The following KNDC1 variants were observed in gnomAD, a reference collection of about 807,000 sequenced individuals.
The protein encoded by KNDC1 is kinase non-catalytic C-lobe domain-containing protein 1.
A neutral mutation model predicts 172.8 loss-of-function variants in KNDC1; 106 were observed. That is an observed-to-expected ratio of 0.61 (90% CI 0.52 to 0.72). The LOEUF is 0.72. KNDC1 is among the 30% of genes least tolerant of loss of function. The pLI, the probability that KNDC1 is intolerant of heterozygous loss-of-function variation, is 0.00. For missense variants in KNDC1, 2,325 were observed against 2,394.5 expected, an observed-to-expected ratio of 0.97 and a Z score of 0.61; for synonymous variants, 1,083 against 1,062.2, an observed-to-expected ratio of 1.02 and a Z score of -0.38.
chr10:133,190,348 C>G (rs11101624), intron 9 of KNDC1, among the ~76,000 whole-genome samples: 2,495 of 60,810 alleles, frequency 0.041, 78 homozygotes, highest in African/African-American at 0.082. Context: ...ACACCCTGCA[C>G]TAAGCACCCT....
rs199524619 is a variant in KNDC1, at chr10:133,168,357, T to A, written c.360+45T>A. Reference sequence around the variant, plus strand: ...ATGTGCCACACCCCCCTTTTACCTCTATGGTGGCCTCTGCCATTAACTCAG... The same window carrying A: ...ATGTGCCACACCCCCCTTTTACCTCAATGGTGGCCTCTGCCATTAACTCAG... On this transcript the variant is annotated intron_variant, in intron 3 of 29. Coordinates refer to ENST00000304613, the MANE Select transcript of KNDC1 (RefSeq NM_152643.8). 3 of 1,561,100 alleles carry A rather than the reference T, an allele frequency of 1.9e-6. No individual in the cohort carries two copies. In the East Asian group the frequency reaches 6.7e-5, roughly 35 times the overall value.
chr10:133,204,333 T>C (rs1033214861), intron 17 of KNDC1, among the ~76,000 whole-genome samples: 3 of 152,232 alleles, frequency 2.0e-5, no homozygotes, highest in Non-Finnish European at 4.4e-5. Flanking sequence ...ATGGCCCACG[T>C]GACTGAGGAC....
intron 15 of KNDC1, among the ~76,000 whole-genome samples, chr10:133,200,151 C>G (rs1854319346): frequency 6.6e-6 from 1 of 152,186 alleles, no homozygotes; most frequent in Admixed American, 6.5e-5. Flanking sequence ...CTCGGCCCCG[C>G]AGCACTGAGA....
At chr10:133,172,842 A>G (rs544183801) in intron 3 of KNDC1, among the ~76,000 whole-genome samples, 5 of 152,156 alleles carry the variant, frequency 3.3e-5, no homozygotes, top group Non-Finnish European at 7.4e-5. Flanking sequence ...TCTCTACACA[A>G]CATTTTAAAA....
rs777491572 is a variant in KNDC1, at chr10:133,224,935, TG to T, written c.*51del. 2.1e-4 allele frequency: 314 copies of T among 1,486,654 alleles called. 2 individuals are homozygous for T. The highest frequency in any genetic ancestry group is 4.5e-4 in the South Asian group (39 of 86,560). The allele number at this position is 1,486,654 out of a possible 1,614,324, so 92.1% of individuals were successfully genotyped here. ...GGAATTCCAGATCCGAATCCGACTGTGGGGGGCGGGCTGGGAGGTGGGAGCC... is the reference window on the plus strand; with the variant it reads ...GGAATTCCAGATCCGAATCCGACTGTGGGGGCGGGCTGGGAGGTGGGAGCC... On this transcript the variant is annotated 3_prime_UTR_variant, in exon 30 of 30. Coordinates refer to ENST00000304613, the MANE Select transcript of KNDC1 (RefSeq NM_152643.8). This position sits in a 1 kb window ranked among gnomAD's most constrained non-coding sequence, Gnocchi z 5.4.
chr10:133,168,875 G>A (rs528156352), intron 3 of KNDC1, among the ~76,000 whole-genome samples: 1 of 152,312 alleles, frequency 6.6e-6, no homozygotes, highest in South Asian at 2.1e-4. Flanking sequence ...CAGCCCCTTG[G>A]GGACCCTTTG....
intron 9 of KNDC1, among the ~76,000 whole-genome samples, chr10:133,191,558 G>A (rs779779224): frequency 3.3e-5 from 5 of 152,130 alleles, no homozygotes; most frequent in Non-Finnish European, 7.3e-5. Flanking sequence ...AAATTAGCCA[G>A]GGGTGGTGGT....
chr10:133,213,718 C>T lies in KNDC1; in HGVS notation c.4517C>T (p.Ala1506Val). 1 of 1,613,936 alleles carries T rather than the reference C, an allele frequency of 6.2e-7. No homozygotes were observed. Among genetic ancestry groups the T allele is most frequent in the Non-Finnish European group, 8.5e-7 (1 of 1,179,886 alleles). The change falls in exon 25 of 30, where the codon GCC becomes GTC. Residue 1506 changes from alanine (A) to valine (V), a missense_variant. Coordinates refer to ENST00000304613, the MANE Select transcript of KNDC1 (RefSeq NM_152643.8). Reference protein sequence around the residue: ...RALGVMDKSTAIPKASSSESL... With the variant: ...RALGVMDKSTVIPKASSSESL... ...CTGGGCGTCATGGACAAGAGCACTG[C>T]CATCCCCAAGTGAGCGTCCGGGACC...
chr10:133,174,996 T>C (rs1853485993), intron 3 of KNDC1, among the ~76,000 whole-genome samples: 1 of 140,660 alleles, frequency 7.1e-6, no homozygotes, highest in African/African-American at 2.7e-5. Context: ...GGGTGGATGG[T>C]GGATATGTGA....
intron 2 of KNDC1, 51 bp from the exon 3 acceptor site, chr10:133,168,203 G>C (rs1476081753): frequency 6.4e-7 from 1 of 1,559,738 alleles, no homozygotes; most frequent in African/African-American, 1.4e-5. Context: ...GCGGGTTCAG[G>C]TTTGCAGGTG....
chr10:133,211,305 C>G, intron 21 of KNDC1, 117 bp from the exon 22 acceptor site: 1 of 949,668 alleles, frequency 1.1e-6, no homozygotes, highest in East Asian at 2.6e-5. Context: ...CCTAAGCCCC[C>G]TGCACACATG....
Position 133,168,306 on chromosome 10 carries a change from C to A in KNDC1, c.354C>A (p.Thr118=). 1 of 1,614,092 alleles carries A rather than the reference C, an allele frequency of 6.2e-7. No individual in the cohort carries two copies. Residue 118 remains threonine, a synonymous_variant, in exon 3 of 30, where the codon ACC becomes ACA. Transcript: ENST00000304613. ...VPPEFDVTGN[T]FEAHIYSLGA... is the part of the protein sequence containing the mutation. ...CCGAGTTCGACGTGACCGGGAACAC[C>A]TTTGAGGTAAGTGCAGGTGGGGGTA...
At position 133,222,052 on chromosome 10, in the gene KNDC1, C is replaced by T. The variant is rs868720050; in HGVS notation, c.5018+1940C>T. Among the ~76,000 whole-genome samples, 172 of 60,888 alleles carry T rather than the reference C, an allele frequency of 2.8e-3. 19 individuals are homozygous for T. Among genetic ancestry groups the T allele is most frequent in the African/African-American group, 5.2e-3 (143 of 27,690 alleles). 39.9% of individuals were successfully genotyped at this position (60,888 alleles called of 152,430 possible). ...ACTCTAACACTCTGGGAGGCCGAGG[C>T]GGGCGGATCACTTGAGGTCAGGAGT... On this transcript the variant is annotated intron_variant, in intron 29 of 29. Transcript: ENST00000304613.
Position 133,164,489 on chromosome 10 carries a change from C to T in KNDC1, c.103-2892C>T, listed in dbSNP as rs190136086. On this transcript the variant is annotated intron_variant, in intron 1 of 29. Transcript: ENST00000304613. ...GGGCAGACAGGTGCGCAGGAGGCGG[C>T]GCTGGGCAGACAGACAGGCGTCGGC... Among the ~76,000 whole-genome samples the T allele has an allele frequency of 2.1e-4, 32 of 152,298 alleles. No homozygotes were observed. In the East Asian group the frequency reaches 3.5e-3, roughly 17 times the overall value.
chr10:133,199,640 C>T (rs755829053), intron 15 of KNDC1, 38 bp downstream of exon 15: 1 of 1,605,056 alleles, frequency 6.2e-7, no homozygotes, highest in South Asian at 1.1e-5. Flanking sequence ...CCGCCCCTCC[C>T]TGATGCCCAC....
At position 133,213,637 on chromosome 10, in the gene KNDC1, C is replaced by G. The variant is rs773489860; in HGVS notation, c.4444-8C>G. On this transcript the variant is annotated splice_region_variant and splice_polypyrimidine_tract_variant and intron_variant, in intron 24 of 29. Transcript: ENST00000304613. ...AGCCTGAACCTCTTGTTTCCATGTT[C>G]TGGGCAGGAGTTGTTTCAAAAGTGC... The G allele has an allele frequency of 6.2e-7, 1 of 1,613,394 alleles. No individual in the cohort carries two copies. Among genetic ancestry groups the G allele is most frequent in the South Asian group, 1.1e-5 (1 of 91,050 alleles).
chr10:133,171,203 T>C (rs1457609191), intron 3 of KNDC1, among the ~76,000 whole-genome samples: 1 of 152,236 alleles, frequency 6.6e-6, no homozygotes, highest in East Asian at 1.9e-4. Context: ...GTCTTAGATA[T>C]AGTTTATTAG....
intron 26 of KNDC1, among the ~76,000 whole-genome samples, chr10:133,218,557 T>C (rs1005764468): frequency 6.6e-6 from 1 of 152,228 alleles, no homozygotes; most frequent in Non-Finnish European, 1.5e-5. Context: ...CAATCTTGCT[T>C]TTGAGAAGTG....
rs372680887 is a variant in KNDC1 at position 133,222,145 on chromosome 10, C to T, written c.5018+2033C>T. On this transcript the variant is annotated intron_variant, in intron 29 of 29. Transcript: ENST00000304613. ...AAAAATACAAAAAATTAGCCGGGCGCGGTGGCGGGCGCCTGTAGTCCCAGC... is the reference window on the plus strand; with the variant it reads ...AAAAATACAAAAAATTAGCCGGGCGTGGTGGCGGGCGCCTGTAGTCCCAGC... Among the ~76,000 whole-genome samples the T allele has an allele frequency of 7.5e-4, 111 of 148,792 alleles. 2 individuals carry two copies. The highest frequency in any genetic ancestry group is 7.1e-3 in the East Asian group (34 of 4,762).
Sources: allele counts gnomAD v4.1 joint callset (sites outside exome capture counted in the v4.1 genomes callset), GRCh38; gene constraint gnomAD v4.1.1; non-coding constraint Gnocchi (gnomAD v3.1); transcripts MANE v1.5; gene names NCBI Gene and HGNC (gene_info 2026-07-23, HGNC 2026-07-21).